Variants in SCAMP1 observed in about 807,000 individuals in gnomAD.
SCAMP1 encodes secretory carrier-associated membrane protein 1.
SCAMP1 carries 15 observed loss-of-function variants against 41.8 expected under a neutral mutation model. That is an observed-to-expected ratio of 0.36 (90% CI 0.24 to 0.55). The LOEUF (loss-of-function observed/expected upper bound fraction) is 0.55, where lower values mean the gene tolerates loss of function less well. SCAMP1 is among the 20% of genes least tolerant of loss of function. The pLI is 0.86. For missense variants in SCAMP1, 341 were observed against 412.6 expected (o/e 0.83, Z 1.50); for synonymous variants, 135 against 136.8 (o/e 0.99, Z 0.09).
intron 1 of SCAMP1, among the ~76,000 whole-genome samples, chr5:78,363,867 A>G (rs79743816): frequency 0.032 from 4,890 of 152,238 alleles, 242 homozygotes; most frequent in African/African-American, 0.1. Context: ...AGGCTTAGTG[A>G]ATGGTTTTAT....
intron 1 of SCAMP1, 84 bp downstream of exon 1, chr5:78,360,812 C>T (rs1424134670): frequency 7.3e-6 from 10 of 1,371,290 alleles, no homozygotes; most frequent in Non-Finnish European, 1.0e-5. Context: ...CCCACTGCGT[C>T]TGCCCCTCGG....
In SCAMP1 at chr5:78,366,144, C is replaced by CTTT. The variant is rs781191155; in HGVS notation, c.57+5418_57+5420dup. ...CAGCTCTTTGGGGCCCTTTTCTTTT[C>CTTT]TTTTCTTTTTTTTTTTTGAGACGGA... On this transcript the variant is annotated intron_variant, in intron 1 of 8. Coordinates refer to ENST00000621999, the MANE Select transcript of SCAMP1 (RefSeq NM_004866.6). Among the ~76,000 whole-genome samples the CTTT allele has an allele frequency of 2.1e-4, 29 of 135,664 alleles. 5 individuals are homozygous for CTTT. The highest frequency in any genetic ancestry group is 4.3e-4 in the African/African-American group (16 of 37,088). 89.0% of individuals were successfully genotyped at this position (135,664 alleles called of 152,430 possible). A position where few individuals can be genotyped will look rare whatever the true frequency, so the allele number is the denominator to read the frequency against.
intron 1 of SCAMP1, chr5:78,361,104 C>T (rs1294219638): frequency 1.5e-5 from 3 of 204,180 alleles, no homozygotes; most frequent in Non-Finnish European, 2.0e-5. Context: ...GGCCGGGAGT[C>T]GGCGGAGGGG....
At chr5:78,436,854 G>T (rs1752770230) in intron 6 of SCAMP1, among the ~76,000 whole-genome samples, 1 of 152,122 alleles carries the variant, frequency 6.6e-6, no homozygotes, top group African/African-American at 2.4e-5. Flanking sequence ...TCCTATACAT[G>T]GGCATGGAAT....
chr5:78,430,504 A>AT (rs201357716), intron 6 of SCAMP1, among the ~76,000 whole-genome samples: 56 of 150,870 alleles, frequency 3.7e-4, no homozygotes, highest in Admixed American at 1.2e-3. Context: ...AGAAAAAGAG[A>AT]TTTTTTTTTC....
intron 1 of SCAMP1, among the ~76,000 whole-genome samples, chr5:78,369,209 C>T (rs945165311): frequency 2.6e-5 from 4 of 151,644 alleles, no homozygotes; most frequent in Admixed American, 2.0e-4. Context: ...CAGGTTCAAG[C>T]GATTTTCCTG....
intron 1 of SCAMP1, among the ~76,000 whole-genome samples, chr5:78,363,812 AT>A (rs566623870): frequency 6.6e-6 from 1 of 150,406 alleles, no homozygotes. Context: ...GATTCAGTTC[AT>A]TTTTTTTTGT....
chr5:78,418,912 A>G lies in SCAMP1; in HGVS notation c.472+9A>G, dbSNP rs1752271636. The G allele has an allele frequency of 1.3e-6, 2 of 1,549,084 alleles. No homozygotes were observed. The highest frequency in any genetic ancestry group is 2.5e-5 in the South Asian group (2 of 79,574). On this transcript the variant is annotated intron_variant, in intron 5 of 8. Coordinates refer to ENST00000621999, the MANE Select transcript of SCAMP1 (RefSeq NM_004866.6). ...GTACTACTTGTGGATGTGTGAGTAT[A>G]CAACAATTTACATCTTTGCTTAGAA...
intron 7 of SCAMP1, among the ~76,000 whole-genome samples, chr5:78,452,209 G>A (rs933907090): frequency 1.3e-5 from 2 of 150,290 alleles, no homozygotes; most frequent in Non-Finnish European, 3.0e-5. Flanking sequence ...TATACTTTAA[G>A]TTTTAGGGTA....
At chr5:78,468,002 T>C (rs1459701383) in intron 8 of SCAMP1, among the ~76,000 whole-genome samples, 1 of 152,174 alleles carries the variant, frequency 6.6e-6, no homozygotes, top group Non-Finnish European at 1.5e-5. Flanking sequence ...CGGTTTTGAC[T>C]CTAGAATTGT....
chr5:78,374,882 C>T (rs955007586), intron 1 of SCAMP1, among the ~76,000 whole-genome samples: 1 of 151,956 alleles, frequency 6.6e-6, no homozygotes, highest in African/African-American at 2.4e-5. Context: ...TTGAATAATT[C>T]CTAGTGATTA....
At chr5:78,391,243 C>T (rs1427246682) in intron 2 of SCAMP1, among the ~76,000 whole-genome samples, 7 of 151,406 alleles carry the variant, frequency 4.6e-5, no homozygotes, top group African/African-American at 1.7e-4. Context: ...GCAGAGGCGC[C>T]CCTCACCTCC....
At chr5:78,432,332 TATC>T (rs1272979664) in intron 6 of SCAMP1, among the ~76,000 whole-genome samples, 1 of 152,168 alleles carries the variant, frequency 6.6e-6, no homozygotes, top group Non-Finnish European at 1.5e-5. Flanking sequence ...TTTTGTATCA[TATC>T]ATAATCTTTT....
chr5:78,394,350 A>G (rs182580813), intron 2 of SCAMP1, among the ~76,000 whole-genome samples: 59 of 152,144 alleles, frequency 3.9e-4, no homozygotes, highest in African/African-American at 1.3e-3. Context: ...ATATATATAT[A>G]TATTACAATG....
At position 78,479,866 on chromosome 5, in the gene SCAMP1, C is replaced by T. The variant is rs1318379917; in HGVS notation, c.*4198C>T. Among the ~76,000 whole-genome samples, 1 of 151,380 alleles carries T rather than the reference C, an allele frequency of 6.6e-6. No individual in the cohort carries two copies. Among genetic ancestry groups the T allele is most frequent in the East Asian group, 1.9e-4 (1 of 5,182 alleles). ...AACCATCCTGGCTAACATGGTGAAA[C>T]CCCATCTCTACTAAAAATACAAAAA... On this transcript the variant is annotated 3_prime_UTR_variant, in exon 9 of 9. Coordinates refer to ENST00000621999, the MANE Select transcript of SCAMP1 (RefSeq NM_004866.6).
intron 6 of SCAMP1, among the ~76,000 whole-genome samples, chr5:78,423,811 C>A (rs1464206853): frequency 6.6e-6 from 1 of 151,228 alleles, no homozygotes; most frequent in African/African-American, 2.4e-5. Flanking sequence ...TATTAATAAT[C>A]TGGTTTTCAC....
chr5:78,388,991 G>A (rs894479803), intron 2 of SCAMP1, 77 bp downstream of exon 2: 1 of 739,810 alleles, frequency 1.4e-6, no homozygotes, highest in African/African-American at 1.8e-5. Context: ...TTCTTTTTTA[G>A]TGGATTGCTT....
intron 8 of SCAMP1, among the ~76,000 whole-genome samples, chr5:78,460,765 C>T (rs990093174): frequency 2.8e-5 from 1 of 35,444 alleles, no homozygotes; most frequent in Non-Finnish European, 5.5e-5. Flanking sequence ...TCCTTCCTTC[C>T]TTCCTTCCTT....
chr5:78,418,935 G>T (rs1398521002), intron 5 of SCAMP1, 32 bp downstream of exon 5: 2 of 1,527,100 alleles, frequency 1.3e-6, no homozygotes, highest in Admixed American at 4.6e-5. Flanking sequence ...TCTTTGCTTA[G>T]AATTTGTATT....
Sources: gnomAD v4.1 joint callset for allele counts (sites outside exome capture counted in the v4.1 genomes callset) on GRCh38, gnomAD v4.1.1 for gene constraint, MANE v1.5 for transcripts, NCBI Gene and HGNC (gene_info 2026-07-23, HGNC 2026-07-21) for gene names.